Variants in PABPC4L observed in about 807,000 individuals in gnomAD.
PABPC4L encodes the protein polyadenylate-binding protein 4-like.
For synonymous variants in PABPC4L, 169 were observed against 164.1 expected, an observed-to-expected ratio of 1.03 and a Z score of -0.23; for missense variants, 452 against 451.4, an observed-to-expected ratio of 1.00 and a Z score of -0.01.
the PABPC4L span, among the ~76,000 whole-genome samples, chr4:134,083,823 T>C: frequency 6.6e-6 from 1 of 152,276 alleles, no homozygotes; most frequent in South Asian, 2.1e-4. Context: ...GGCAAATGTA[T>C]GTTTCCAAAT....
At chr4:134,066,284 A>G in the PABPC4L span, among the ~76,000 whole-genome samples, 3 of 152,018 alleles carry the variant, frequency 2.0e-5, no homozygotes, top group Non-Finnish European at 4.4e-5. Context: ...CTCTATTCCT[A>G]GACATTTTTC....
At chr4:134,005,951 A>G in the PABPC4L span, among the ~76,000 whole-genome samples, 4 of 151,924 alleles carry the variant, frequency 2.6e-5, no homozygotes, top group African/African-American at 9.7e-5. Context: ...AAACAGTCCA[A>G]TCTTATGGCT....
the PABPC4L span, among the ~76,000 whole-genome samples, chr4:134,175,379 C>G: frequency 5.9e-5 from 9 of 151,716 alleles, no homozygotes; most frequent in Admixed American, 3.3e-4. Context: ...TGATGCCACC[C>G]AAATGATCTG....
At chr4:133,955,449 T>G in the PABPC4L span, among the ~76,000 whole-genome samples, 2 of 152,158 alleles carry the variant, frequency 1.3e-5, no homozygotes, top group African/African-American at 4.8e-5. Flanking sequence ...AATTAAACAC[T>G]TAAGCTCTGA....
chr4:134,115,380 GA>G, the PABPC4L span, among the ~76,000 whole-genome samples: 1 of 151,742 alleles, frequency 6.6e-6, no homozygotes, highest in Non-Finnish European at 1.5e-5. Context: ...CAAGTAGAGA[GA>G]GGGGGAGAAT....
At chr4:134,092,686 C>A in the PABPC4L span, among the ~76,000 whole-genome samples, 58 of 152,034 alleles carry the variant, frequency 3.8e-4, no homozygotes, top group Admixed American at 1.5e-3. Flanking sequence ...TTCATAAATG[C>A]ATTTAAGGGC....
chr4:134,170,082 A>T, the PABPC4L span, among the ~76,000 whole-genome samples: 1 of 152,106 alleles, frequency 6.6e-6, no homozygotes, highest in African/African-American at 2.4e-5. Flanking sequence ...CCCAAGTAGA[A>T]CTGTGTCCAT....
chr4:134,091,694 A>T, the PABPC4L span, among the ~76,000 whole-genome samples: 1 of 151,968 alleles, frequency 6.6e-6, no homozygotes, highest in South Asian at 2.1e-4. Context: ...GAATAAATAA[A>T]TTTTTGAGTT....
the PABPC4L span, among the ~76,000 whole-genome samples, chr4:134,170,572 G>A: frequency 6.6e-6 from 1 of 152,096 alleles, no homozygotes; most frequent in Non-Finnish European, 1.5e-5. Flanking sequence ...TGAAGGGGGA[G>A]CAAGGTGCCT....
chr4:134,102,231 C>T, the PABPC4L span, among the ~76,000 whole-genome samples: 1 of 151,338 alleles, frequency 6.6e-6, no homozygotes, highest in Non-Finnish European at 1.5e-5. Flanking sequence ...TGATTTCCTG[C>T]AAAATACATG....
the PABPC4L span, among the ~76,000 whole-genome samples, chr4:134,109,879 C>T: frequency 6.6e-6 from 1 of 151,806 alleles, no homozygotes. Flanking sequence ...GTAGCTGGGA[C>T]TGCAGGCGTG....
At chr4:134,183,062 C>T in the PABPC4L span, among the ~76,000 whole-genome samples, 1 of 151,860 alleles carries the variant, frequency 6.6e-6, no homozygotes, top group Admixed American at 6.6e-5. Context: ...TCTCAAAGAA[C>T]CTAAAACAGA....
chr4:134,100,178 A>G, the PABPC4L span, among the ~76,000 whole-genome samples: 1 of 151,658 alleles, frequency 6.6e-6, no homozygotes, highest in Non-Finnish European at 1.5e-5. Flanking sequence ...TGTGGCTTGA[A>G]CTCCAAGCAT....
the PABPC4L span, among the ~76,000 whole-genome samples, chr4:134,174,426 C>T: frequency 5.9e-5 from 9 of 152,060 alleles, no homozygotes; most frequent in Non-Finnish European, 1.2e-4. Flanking sequence ...TACACCACTG[C>T]CAGGACAGTA....
chr4:134,159,939 A>G, the PABPC4L span, among the ~76,000 whole-genome samples: 1 of 152,176 alleles, frequency 6.6e-6, no homozygotes, highest in South Asian at 2.1e-4. Context: ...ACTCCGACAC[A>G]GTAAAATAAA....
At chr4:134,117,529 T>A in the PABPC4L span, among the ~76,000 whole-genome samples, 2 of 151,806 alleles carry the variant, frequency 1.3e-5, no homozygotes. Context: ...AGACAAGCTC[T>A]TTTTTATTTC....
the PABPC4L span, among the ~76,000 whole-genome samples, chr4:134,033,447 C>T: frequency 9.9e-5 from 15 of 151,744 alleles, no homozygotes; most frequent in Non-Finnish European, 1.9e-4. Flanking sequence ...AAACCAAAAG[C>T]TATAAATAAT....
chr4:134,176,493 TAAC>T, the PABPC4L span, among the ~76,000 whole-genome samples: 1 of 151,764 alleles, frequency 6.6e-6, no homozygotes, highest in Non-Finnish European at 1.5e-5. Context: ...ATAATGATAA[TAAC>T]AATAATAATA....
the PABPC4L span, among the ~76,000 whole-genome samples, chr4:133,952,251 G>A: frequency 2.0e-5 from 3 of 152,138 alleles, no homozygotes; most frequent in African/African-American, 7.2e-5. Flanking sequence ...CATTGGTACT[G>A]TGGCTTTCTC....
Sources: gnomAD v4.1 joint callset for allele counts (sites outside exome capture counted in the v4.1 genomes callset) on GRCh38, gnomAD v4.1.1 for gene constraint, MANE v1.5 for transcripts, NCBI Gene and HGNC (gene_info 2026-07-23, HGNC 2026-07-21) for gene names.